Variants in IGF1R observed in about 807,000 individuals in gnomAD.
IGF1R encodes insulin like growth factor 1 receptor, also known as insulin-like growth factor 1 receptor.
IGF1R carries 44 observed loss-of-function variants against 144.6 expected under a neutral mutation model. The observed-to-expected ratio is 0.30, with a 90% CI of 0.24 to 0.39. The LOEUF is 0.39. Ranked by LOEUF, IGF1R falls within the 10% of genes least tolerant of loss-of-function variation. The pLI is 1.00. For synonymous variants in IGF1R, 795 were observed against 722.8 expected (o/e 1.10, Z -1.60); for missense variants, 1,355 against 1,833.7 (o/e 0.74, Z 4.77).
chr15:98,934,325 ACT>A (rs2016060539), intron 15 of IGF1R, among the ~76,000 whole-genome samples: 1 of 151,436 alleles, frequency 6.6e-6, no homozygotes. Flanking sequence ...CTCATATGTG[ACT>A]CTGGCCTTTT....
intron 20 of IGF1R, chr15:98,954,431 G>A (rs1215203189): frequency 2.0e-5 from 3 of 152,028 alleles, no homozygotes; most frequent in African/African-American, 4.8e-5. Context: ...TTTAAAAGAT[G>A]AGTTTTATCA....
chr15:98,885,050 A>G (rs28379567), intron 2 of IGF1R, among the ~76,000 whole-genome samples: 2,876 of 151,868 alleles, frequency 0.019, 103 homozygotes, highest in African/African-American at 0.066. Flanking sequence ...CAGCATCCCT[A>G]TGCACCTGCT....
chr15:98,878,693 A>AACAAAAAAAAC (rs2013201103), intron 2 of IGF1R, among the ~76,000 whole-genome samples: 7 of 126,176 alleles, frequency 5.5e-5, no homozygotes, highest in African/African-American at 2.5e-4. Flanking sequence ...AAAAAAAAAA[A>AACAAAAAAAAC]AACAACAACA....
chr15:98,751,045 C>T (rs1459017386), intron 2 of IGF1R, among the ~76,000 whole-genome samples: 1 of 152,136 alleles, frequency 6.6e-6, no homozygotes, highest in Non-Finnish European at 1.5e-5. Flanking sequence ...CCCACCTCGG[C>T]CTCCCAAAGT....
chr15:98,932,900 C>T (rs953844435), intron 15 of IGF1R, among the ~76,000 whole-genome samples: 4 of 152,238 alleles, frequency 2.6e-5, no homozygotes, highest in Non-Finnish European at 5.9e-5. Flanking sequence ...GATGGTGCCC[C>T]TCCTGGGCCT....
intron 2 of IGF1R, among the ~76,000 whole-genome samples, chr15:98,884,702 A>AAAAAAT: frequency 6.6e-6 from 1 of 151,418 alleles, no homozygotes; most frequent in Non-Finnish European, 1.5e-5. Context: ...AAAAAAAAAA[A>AAAAAAT]AAGAAATTCT....
chr15:98,947,431 A>G (rs569342991), intron 19 of IGF1R, among the ~76,000 whole-genome samples: 51 of 152,304 alleles, frequency 3.3e-4, no homozygotes, highest in African/African-American at 1.2e-3. Context: ...CTTGACCAGC[A>G]CCTGCAGCCC....
At chr15:98,698,290 G>C (rs553724444) in intron 1 of IGF1R, among the ~76,000 whole-genome samples, 1 of 152,290 alleles carries the variant, frequency 6.6e-6, no homozygotes, top group African/African-American at 2.4e-5. Context: ...GCCTGCCTCG[G>C]CCTCCCAAAG....
chr15:98,675,617 T>C (rs934922116), intron 1 of IGF1R, among the ~76,000 whole-genome samples: 4 of 152,176 alleles, frequency 2.6e-5, no homozygotes, highest in African/African-American at 9.6e-5. Context: ...GCCTAGTAAG[T>C]TTATACTCAA....
chr15:98,725,331 CA>C (rs903005248), intron 2 of IGF1R, among the ~76,000 whole-genome samples: 1 of 152,238 alleles, frequency 6.6e-6, no homozygotes, highest in Non-Finnish European at 1.5e-5. Context: ...CAAAAACACA[CA>C]AAAAAACCAT....
intron 2 of IGF1R, among the ~76,000 whole-genome samples, chr15:98,870,952 C>T (rs549210152): frequency 2.6e-5 from 4 of 152,202 alleles, no homozygotes; most frequent in Non-Finnish European, 4.4e-5. Context: ...AGTGGAGGTG[C>T]GGGAGGCATG....
chr15:98,810,731 G>T (rs901621536), intron 2 of IGF1R, among the ~76,000 whole-genome samples: 1 of 151,582 alleles, frequency 6.6e-6, no homozygotes, highest in Non-Finnish European at 1.5e-5. Flanking sequence ...CGTATTTTTA[G>T]TAGAGACGGG....
At chr15:98,896,288 T>C (rs1027498752) in intron 3 of IGF1R, among the ~76,000 whole-genome samples, 3 of 152,186 alleles carry the variant, frequency 2.0e-5, no homozygotes, top group Admixed American at 2.0e-4. Context: ...GGAGCTAGAC[T>C]ACTGTTAGGC....
At chr15:98,792,387 T>A (rs921720834) in intron 2 of IGF1R, among the ~76,000 whole-genome samples, 4 of 152,224 alleles carry the variant, frequency 2.6e-5, no homozygotes, top group African/African-American at 9.6e-5. Flanking sequence ...CACTCTCAAA[T>A]GAGGTTTCAG....
At position 98,861,017 on chromosome 15, in the gene IGF1R, TC is replaced by T. The variant is rs200624321; in HGVS notation, c.641-30307del. Among the ~76,000 whole-genome samples, 963 of 151,712 alleles carry T rather than the reference TC, an allele frequency of 6.3e-3. 11 individuals are homozygous for T. Among genetic ancestry groups the T allele is most frequent in the African/African-American group, 0.018 (756 of 41,190 alleles). ...TTTATTCCTTTGCATGATTTTTTTT[TC>T]TTTTTCTTCCCTCCCTCCCTCCCTC... On this transcript the variant is annotated intron_variant, in intron 2 of 20. Coordinates refer to ENST00000650285, the MANE Select transcript of IGF1R (RefSeq NM_000875.5).
intron 1 of IGF1R, among the ~76,000 whole-genome samples, chr15:98,681,197 G>A (rs934805646): frequency 3.3e-5 from 5 of 152,162 alleles, no homozygotes; most frequent in African/African-American, 7.2e-5. Context: ...GTTATGTTAG[G>A]ATTCTGTGTC....
At chr15:98,791,551 A>T (rs928475072) in intron 2 of IGF1R, among the ~76,000 whole-genome samples, 1 of 152,212 alleles carries the variant, frequency 6.6e-6, no homozygotes, top group Non-Finnish European at 1.5e-5. Context: ...ATCACAGATG[A>T]AAAGTCCTTA....
rs943731977 is a variant in IGF1R at position 98,959,476 on chromosome 15, G to T, written c.*2034G>T. On this transcript the variant is annotated 3_prime_UTR_variant, in exon 21 of 21. Transcript: ENST00000650285. ...ACCCCGGGATCCAGGCTGGCCCAGG[G>T]CGGCACCCTCAGGGCTGTGCCCGCT... is the stretch of plus-strand genomic sequence containing the variant. The T allele has an allele frequency of 4.3e-6, 1 of 233,680 alleles. No homozygotes were observed. Among genetic ancestry groups the T allele is most frequent in the Non-Finnish European group, 8.5e-6 (1 of 118,190 alleles). The allele number at this position is 233,680 out of a possible 1,614,324, so 14.5% of individuals were successfully genotyped here. A position where few individuals can be genotyped will look rare whatever the true frequency, so the allele number is the denominator to read the frequency against.
chr15:98,711,182 G>C (rs2053983305), intron 2 of IGF1R, among the ~76,000 whole-genome samples: 1 of 152,128 alleles, frequency 6.6e-6, no homozygotes, highest in Non-Finnish European at 1.5e-5. Context: ...TCCATGAAGG[G>C]CATTGAGTCC....
Sources: gnomAD v4.1 joint callset for allele counts (sites outside exome capture counted in the v4.1 genomes callset) on GRCh38, gnomAD v4.1.1 for gene constraint, MANE v1.5 for transcripts, NCBI Gene and HGNC (gene_info 2026-07-23, HGNC 2026-07-21) for gene names.